Variants in KCNMB2 observed in about 807,000 individuals in gnomAD.
KCNMB2 encodes the protein calcium-activated potassium channel subunit beta-2.
A neutral mutation model predicts 24.5 loss-of-function variants in KCNMB2; 9 were observed. The observed-to-expected ratio is 0.37, with a 90% CI of 0.22 to 0.64. The LOEUF (loss-of-function observed/expected upper bound fraction) is 0.64. Among genes scored for constraint, KCNMB2 ranks in the 30% least tolerant of loss-of-function variants. KCNMB2 has a pLI of 0.63. For missense variants in KCNMB2, 226 were observed against 284.3 expected (o/e 0.79, Z 1.47); for synonymous variants, 109 against 104.4 (o/e 1.04, Z -0.27).
rs370165612 is a variant in KCNMB2, at chr3:178,810,766, G to A, written c.56+3301G>A. Among the ~76,000 whole-genome samples, 57 of 151,638 alleles carry A rather than the reference G, an allele frequency of 3.8e-4. 1 individual carries two copies. The South Asian group carries it at 0.011, about 29-fold the overall frequency. On this transcript the variant is annotated intron_variant, in intron 2 of 4. Transcript: ENST00000452583. ...TTCATTTTTTTTGAGATGGAGTCTC[G>A]CTCTGTCGCCCAGGCTGGAGTGCAG...
At chr3:178,571,112 T>G (rs537861295) in intron 1 of KCNMB2, among the ~76,000 whole-genome samples, 1 of 152,180 alleles carries the variant, frequency 6.6e-6, no homozygotes, top group Non-Finnish European at 1.5e-5. Flanking sequence ...TGAATTACTA[T>G]GTGTACTTTA....
At chr3:178,698,028 T>A (rs1455942096) in intron 1 of KCNMB2, among the ~76,000 whole-genome samples, 2 of 152,204 alleles carry the variant, frequency 1.3e-5, no homozygotes, top group Admixed American at 6.5e-5. Flanking sequence ...CTAGCTGCCT[T>A]TAACATCTTT....
At chr3:178,759,782 CTA>C (rs1233713978) in intron 1 of KCNMB2, among the ~76,000 whole-genome samples, 1 of 12,710 alleles carries the variant, frequency 7.9e-5, no homozygotes, top group Non-Finnish European at 1.2e-4. Context: ...GAGGATATAT[CTA>C]TATATATATA....
intron 1 of KCNMB2, among the ~76,000 whole-genome samples, chr3:178,776,444 A>C (rs892519524): frequency 3.3e-5 from 5 of 152,160 alleles, no homozygotes; most frequent in African/African-American, 1.2e-4. Context: ...CATCTGCTCT[A>C]ATTTATCCTC....
chr3:178,679,766 T>C (rs1340905783), intron 1 of KCNMB2, among the ~76,000 whole-genome samples: 2 of 152,134 alleles, frequency 1.3e-5, no homozygotes, highest in Non-Finnish European at 2.9e-5. Context: ...CCCAAAGGCC[T>C]GGAAAGAATT....
Position 178,557,334 on chromosome 3 carries a change from T to G in KCNMB2, c.-68+20623T>G, listed in dbSNP as rs141564713. Among the ~76,000 whole-genome samples the G allele has an allele frequency of 3.0e-3, 456 of 152,208 alleles. 4 individuals carry two copies. The highest frequency in any genetic ancestry group is 0.011 in the African/African-American group (436 of 41,506). On this transcript the variant is annotated intron_variant, in intron 1 of 4. Transcript: ENST00000452583. ...TCTTTTTCCTCTGAGATGAGGGTAG[T>G]ATAGTACCGGGGTGGCGGAGTAAGA...
intron 1 of KCNMB2, among the ~76,000 whole-genome samples, chr3:178,674,202 C>T (rs920275805): frequency 4.1e-4 from 63 of 151,988 alleles, no homozygotes; most frequent in Non-Finnish European, 5.7e-4. Context: ...TCTTCTCTTT[C>T]TACACTCACT....
chr3:178,838,341 C>T (rs934109759), intron 4 of KCNMB2, among the ~76,000 whole-genome samples: 6 of 152,102 alleles, frequency 3.9e-5, no homozygotes, highest in Non-Finnish European at 8.8e-5. Flanking sequence ...ACTTTCACCC[C>T]CTTAATGCCT....
chr3:178,808,114 A>G (rs1217950510), intron 2 of KCNMB2, among the ~76,000 whole-genome samples: 1 of 152,124 alleles, frequency 6.6e-6, no homozygotes, highest in African/African-American at 2.4e-5. Flanking sequence ...GGAGGAAGGG[A>G]AAAATGAGGG....
intron 2 of KCNMB2, among the ~76,000 whole-genome samples, chr3:178,818,974 C>T (rs534190414): frequency 3.3e-5 from 5 of 152,262 alleles, no homozygotes; most frequent in East Asian, 1.9e-4. Flanking sequence ...TAGTTTGGTC[C>T]GTCAAAGGAC....
Position 178,757,794 on chromosome 3 carries a change from CTT to C in KCNMB2, c.-67-49548_-67-49547del, listed in dbSNP as rs1471085031. The stretch of plus-strand genomic sequence containing the variant: ...TCCAAGAGGATATATATACATATAT[CTT>C]ATATCCATCCAAGAGGATATATATA... On this transcript the variant is annotated intron_variant, in intron 1 of 4. Transcript: ENST00000452583. 3.3e-4 allele frequency among the ~76,000 whole-genome samples: 21 copies of C among 63,690 alleles called. 3 individuals carry two copies. The highest frequency in any genetic ancestry group is 4.3e-4 in the Non-Finnish European group (15 of 34,592). The allele number at this position is 63,690 out of a possible 152,430, so 41.8% of individuals were successfully genotyped here.
intron 1 of KCNMB2, among the ~76,000 whole-genome samples, chr3:178,703,306 T>C (rs988365078): frequency 8.5e-5 from 13 of 152,238 alleles, no homozygotes; most frequent in African/African-American, 2.9e-4. Flanking sequence ...AACTGGAATG[T>C]TTTTGGAGTT....
intron 1 of KCNMB2, among the ~76,000 whole-genome samples, chr3:178,691,389 A>C (rs2108329552): frequency 6.6e-6 from 1 of 150,874 alleles, no homozygotes; most frequent in South Asian, 2.1e-4. Context: ...TATTTTTCCC[A>C]ATTATCTGCT....
intron 4 of KCNMB2, among the ~76,000 whole-genome samples, chr3:178,839,572 A>G (rs1029864579): frequency 6.6e-6 from 1 of 152,176 alleles, no homozygotes; most frequent in Non-Finnish European, 1.5e-5. Context: ...GGTTTAGTTG[A>G]CTCATGGTTC....
At chr3:178,787,536 T>C (rs1713157996) in intron 1 of KCNMB2, among the ~76,000 whole-genome samples, 1 of 152,148 alleles carries the variant, frequency 6.6e-6, no homozygotes, top group Admixed American at 6.6e-5. Flanking sequence ...GCATTAGAAA[T>C]TGCCCAAGGC....
At chr3:178,808,702 TA>T (rs1714074150) in intron 2 of KCNMB2, among the ~76,000 whole-genome samples, 1 of 152,174 alleles carries the variant, frequency 6.6e-6, no homozygotes, top group Admixed American at 6.5e-5. Flanking sequence ...ATATACCACT[TA>T]GCACTTTAAA....
intron 1 of KCNMB2, among the ~76,000 whole-genome samples, chr3:178,736,589 G>C (rs2108372655): frequency 6.6e-6 from 1 of 152,260 alleles, no homozygotes; most frequent in South Asian, 2.1e-4. Context: ...GGATGGCTTT[G>C]GATGACATTC....
intron 1 of KCNMB2, among the ~76,000 whole-genome samples, chr3:178,654,738 G>T (rs1720259977): frequency 6.6e-6 from 1 of 152,126 alleles, no homozygotes; most frequent in Admixed American, 6.6e-5. Context: ...AAGAGGCGAG[G>T]ACATTTTGAG....
chr3:178,788,937 C>T (rs551029346), intron 1 of KCNMB2, among the ~76,000 whole-genome samples: 7 of 152,294 alleles, frequency 4.6e-5, no homozygotes, highest in Admixed American at 2.0e-4. Context: ...TGCCACCTAG[C>T]TAAAAGTTCA....
Sources: allele counts gnomAD v4.1 joint callset (sites outside exome capture counted in the v4.1 genomes callset), GRCh38; gene constraint gnomAD v4.1.1; transcripts MANE v1.5; gene names NCBI Gene and HGNC (gene_info 2026-07-23, HGNC 2026-07-21).